The following TBC1D9 variants were observed in gnomAD, a reference collection of about 807,000 sequenced individuals.
The protein encoded by TBC1D9 is TBC1 domain family member 9, also known as TBC1 domain family member 9A.
In TBC1D9, 63 loss-of-function variants were observed where a neutral mutation model predicts 132.0. That is an observed-to-expected ratio of 0.48 (90% CI 0.39 to 0.59). The LOEUF is 0.59. Among genes scored for constraint, TBC1D9 ranks in the 20% least tolerant of loss-of-function variants. The pLI is 0.00. For missense variants in TBC1D9, 1,261 were observed against 1,592.7 expected (o/e 0.79, Z 3.54); for synonymous variants, 610 against 609.9 (o/e 1.00, Z 0.00).
intron 1 of TBC1D9, among the ~76,000 whole-genome samples, chr4:140,730,515 T>TC (rs1376649043): frequency 3.3e-5 from 5 of 152,058 alleles, no homozygotes; most frequent in South Asian, 2.1e-4. Flanking sequence ...TCACCTGAGG[T>TC]CAGGAGTTCA....
chr4:140,742,814 C>T (rs768436930), intron 1 of TBC1D9, among the ~76,000 whole-genome samples: 14 of 151,646 alleles, frequency 9.2e-5, no homozygotes, highest in Non-Finnish European at 1.5e-4. Flanking sequence ...TCAGAGAGGA[C>T]TATTTGTGCA....
chr4:140,687,342 T>TGTGTGATATATATA (rs1560885798), intron 2 of TBC1D9, among the ~76,000 whole-genome samples: 1 of 54,524 alleles, frequency 1.8e-5, no homozygotes, highest in African/African-American at 7.2e-5. Context: ...TGTGTGTGTG[T>TGTGTGATATATATA]CATATATATA....
rs773546162 is a variant in TBC1D9, at chr4:140,676,938, T to C, written c.1015A>G (p.Ser339Gly). 1.1e-5 allele frequency: 17 copies of C among 1,614,028 alleles called. No individual in the cohort carries two copies. The highest frequency in any genetic ancestry group is 6.7e-5 in the East Asian group (3 of 44,894). The change falls in exon 6 of 21, where the codon AGC becomes GGC. Residue 339 changes from serine (S) to glycine (G), a missense_variant. Physicochemically the swap from Ser to Gly is moderately conservative, Grantham distance 56. Transcript: ENST00000442267. ...AGGCTACATAAGTTCTCCTCCTTGC[T>C]GGTAAAACAGATGTAATTTGTGGAC... is the stretch of plus-strand genomic sequence containing the variant. Reference protein sequence around the residue: ...FVSTNYICFTSKEENLCSLII... With the variant: ...FVSTNYICFTGKEENLCSLII...
At chr4:140,743,768 G>T (rs993368763) in intron 1 of TBC1D9, among the ~76,000 whole-genome samples, 2 of 152,124 alleles carry the variant, frequency 1.3e-5, no homozygotes, top group Non-Finnish European at 2.9e-5. Context: ...TTGTGGTCAG[G>T]CCTGGGAACC....
At chr4:140,750,891 A>G (rs1210109992) in intron 1 of TBC1D9, among the ~76,000 whole-genome samples, 1 of 152,042 alleles carries the variant, frequency 6.6e-6, no homozygotes, top group Non-Finnish European at 1.5e-5. Flanking sequence ...AATGATGTGG[A>G]AGCTATACAA....
chr4:140,653,074 C>T (rs559932310), intron 13 of TBC1D9, among the ~76,000 whole-genome samples: 107 of 151,450 alleles, frequency 7.1e-4, no homozygotes, highest in African/African-American at 2.5e-3. Context: ...AAGTGCAGGG[C>T]TTCACACAAG....
chr4:140,735,159 T>C (rs1188426436), intron 1 of TBC1D9, among the ~76,000 whole-genome samples: 1 of 152,220 alleles, frequency 6.6e-6, no homozygotes, highest in East Asian at 1.9e-4. Context: ...TTATATTCTG[T>C]TTGAAGGACA....
At chr4:140,747,393 C>T (rs538757243) in intron 1 of TBC1D9, among the ~76,000 whole-genome samples, 1 of 151,976 alleles carries the variant, frequency 6.6e-6, no homozygotes, top group East Asian at 1.9e-4. Context: ...TAGGCTCACA[C>T]TTATTAGGTG....
At chr4:140,691,041 CTT>C (rs1472612411) in intron 2 of TBC1D9, among the ~76,000 whole-genome samples, 1 of 152,160 alleles carries the variant, frequency 6.6e-6, no homozygotes, top group African/African-American at 2.4e-5. Context: ...TCTCTGAACA[CTT>C]TCCTAAATGC....
chr4:140,659,872 A>T (rs1737330033), intron 10 of TBC1D9, among the ~76,000 whole-genome samples, 167 bp from the exon 11 acceptor site: 1 of 152,208 alleles, frequency 6.6e-6, no homozygotes, highest in South Asian at 2.1e-4. Context: ...TCTCTGTCAT[A>T]TATTCTTCTG....
intron 18 of TBC1D9, among the ~76,000 whole-genome samples, chr4:140,624,917 T>A (rs1191489261): frequency 3.9e-5 from 6 of 152,146 alleles, no homozygotes; most frequent in African/African-American, 1.4e-4. Context: ...CCGGATGTGG[T>A]GGCACATGCC....
intron 1 of TBC1D9, among the ~76,000 whole-genome samples, chr4:140,742,196 C>T (rs1004608489): frequency 6.6e-6 from 1 of 152,016 alleles, no homozygotes; most frequent in Admixed American, 6.6e-5. Context: ...CTGTGACATG[C>T]CATTTGAAAT....
intron 11 of TBC1D9, 55 bp downstream of exon 11, chr4:140,659,533 A>G (rs1270525795): frequency 6.5e-5 from 86 of 1,316,590 alleles, no homozygotes; most frequent in Non-Finnish European, 8.5e-5. Context: ...GCACCTCTCT[A>G]AAAGCATCTT....
chr4:140,734,814 C>A (rs1188899422), intron 1 of TBC1D9, among the ~76,000 whole-genome samples: 2 of 152,044 alleles, frequency 1.3e-5, no homozygotes, highest in African/African-American at 2.4e-5. Context: ...AAATAATAAA[C>A]ACAAATTTGA....
chr4:140,647,588 A>T (rs1477545223), intron 13 of TBC1D9, among the ~76,000 whole-genome samples: 1 of 152,220 alleles, frequency 6.6e-6, no homozygotes, highest in African/African-American at 2.4e-5. Context: ...AATAGTAACT[A>T]ATATTAAACA....
intron 1 of TBC1D9, among the ~76,000 whole-genome samples, chr4:140,748,783 C>G (rs957026664): frequency 3.9e-5 from 6 of 152,048 alleles, no homozygotes; most frequent in Non-Finnish European, 8.8e-5. Flanking sequence ...ACAAGCAGGT[C>G]CTCGCTAAAG....
At position 140,661,968 on chromosome 4, in the gene TBC1D9, A is replaced by G. The variant is rs757938736; in HGVS notation, c.1728T>C (p.Asn576=). The G allele has an allele frequency of 1.2e-6, 2 of 1,614,036 alleles. No individual in the cohort carries two copies. Among genetic ancestry groups the G allele is most frequent in the Non-Finnish European group, 1.7e-6 (2 of 1,179,908 alleles). ...RSLPEHPAFQ[N]EMGIAALRRV... is the part of the protein sequence containing the mutation. ...TCCTTAGTGCAGCAATGCCCATTTC[A>G]TTCTGAAAAGCTGGGTGTTCTGGAA... Residue 576 remains asparagine (N), a synonymous_variant, in exon 10 of 21, where the codon AAT becomes AAC. Transcript: ENST00000442267.
intron 1 of TBC1D9, among the ~76,000 whole-genome samples, chr4:140,737,233 C>T (rs1254116567): frequency 2.0e-5 from 3 of 151,986 alleles, no homozygotes; most frequent in African/African-American, 7.3e-5. Flanking sequence ...GTTTGGGGAC[C>T]CCTGCTCTAC....
At chr4:140,703,125 A>G (rs1348488540) in intron 1 of TBC1D9, among the ~76,000 whole-genome samples, 1 of 152,172 alleles carries the variant, frequency 6.6e-6, no homozygotes, top group Non-Finnish European at 1.5e-5. Flanking sequence ...ATAGAGGATG[A>G]CTTTGGGATA....
Sources: allele counts gnomAD v4.1 joint callset (sites outside exome capture counted in the v4.1 genomes callset), GRCh38; gene constraint gnomAD v4.1.1; transcripts MANE v1.5; gene names NCBI Gene and HGNC (gene_info 2026-07-23, HGNC 2026-07-21).